Variants in DLGAP1 observed in about 807,000 individuals in gnomAD.
The protein encoded by DLGAP1 is DLG associated protein 1.
DLGAP1 carries 11 observed loss-of-function variants against 90.8 expected under a neutral mutation model. The ratio of observed to expected loss-of-function variants is 0.12; its 90% CI spans 0.08 to 0.20. DLGAP1 has a LOEUF of 0.20. Among genes scored for constraint, DLGAP1 ranks in the 10% least tolerant of loss-of-function variants. The pLI, the probability that DLGAP1 is intolerant of heterozygous loss-of-function variation, is 1.00. For missense variants in DLGAP1, 1,050 were observed against 1,333.8 expected (o/e 0.79, Z 3.31); for synonymous variants, 558 against 540.7 (o/e 1.03, Z -0.44).
At chr18:4,343,728 C>G (rs1294407306) in intron 1 of DLGAP1, among the ~76,000 whole-genome samples, 1 of 152,006 alleles carries the variant, frequency 6.6e-6, no homozygotes, top group Non-Finnish European at 1.5e-5. Context: ...CAGCAAACCA[C>G]CATGGCACAT....
chr18:3,534,323 C>T lies in DLGAP1; in HGVS notation c.2350G>A (p.Val784Met), dbSNP rs755760186. Residue 784 changes from valine to methionine, a missense_variant, in exon 10 of 13, where the codon GTG becomes ATG. By Grantham distance (21) the Val-to-Met change is conservative. Around this residue, in one of 2 missense-constraint regions of DLGAP1, gnomAD observed 565 missense variants for 879.7 expected, o/e 0.64. Coordinates refer to ENST00000315677, the MANE Select transcript of DLGAP1 (RefSeq NM_004746.4). ...DSITEDPLEA[V>M]QRSVCHRDGH... ...TCCCGGTGGCACACTGACCTTTGCA[C>T]GGCCTCCAGAGGGTCTTCAGTGATA... 22 of 1,614,050 alleles carry T rather than the reference C, an allele frequency of 1.4e-5. No individual in the cohort carries two copies. The highest frequency in any genetic ancestry group is 4.4e-5 in the South Asian group (4 of 91,084).
At position 3,534,485 on chromosome 18, in the gene DLGAP1, A is replaced by T; in HGVS notation, c.2188T>A (p.Phe730Ile). 6.2e-7 allele frequency: 1 copy of T among 1,614,150 alleles called. No homozygotes were observed. The highest frequency in any genetic ancestry group is 1.1e-5 in the South Asian group (1 of 91,082). Reference sequence around the variant, plus strand: ...GTGGAGGTGCTGGCATCGCGGGAGAACTGTCTGGCCATGGGGCCAGGACAC... The same window carrying T: ...GTGGAGGTGCTGGCATCGCGGGAGATCTGTCTGGCCATGGGGCCAGGACAC... Reference protein sequence around the residue: ...NSCPGPMARQFSRDASTSTVS... With the variant: ...NSCPGPMARQISRDASTSTVS... The change falls in exon 10 of 13, where the codon TTC (phenylalanine) becomes ATC (isoleucine). Residue 730 changes from phenylalanine to isoleucine, a missense_variant. Transcript: ENST00000315677.
chr18:3,701,748 T>C (rs541404205), intron 7 of DLGAP1, among the ~76,000 whole-genome samples: 3 of 152,308 alleles, frequency 2.0e-5, no homozygotes, highest in African/African-American at 2.4e-5. Flanking sequence ...TGGGTTGGTA[T>C]ATTTTGGGTT....
At chr18:3,938,022 T>C (rs2072681021) in intron 3 of DLGAP1, among the ~76,000 whole-genome samples, 2 of 152,354 alleles carry the variant, frequency 1.3e-5, no homozygotes, top group Non-Finnish European at 2.9e-5. Flanking sequence ...AATGTGGTTA[T>C]CTAGCATCTA....
chr18:4,083,741 A>G (rs2075644457), intron 2 of DLGAP1, among the ~76,000 whole-genome samples: 1 of 151,892 alleles, frequency 6.6e-6, no homozygotes, highest in Non-Finnish European at 1.5e-5. Flanking sequence ...TCCTAGGGGG[A>G]GCATGCAGAT....
intron 4 of DLGAP1, among the ~76,000 whole-genome samples, chr18:3,843,901 C>T (rs1350344615): frequency 3.9e-5 from 6 of 152,028 alleles, no homozygotes; most frequent in African/African-American, 1.2e-4. Context: ...GAACCATCGA[C>T]GATATTTTGG....
chr18:3,904,404 C>T (rs1217319355), intron 3 of DLGAP1, among the ~76,000 whole-genome samples: 1 of 152,196 alleles, frequency 6.6e-6, no homozygotes, highest in Non-Finnish European at 1.5e-5. Flanking sequence ...TGACATAACC[C>T]TTTAGGGAAA....
intron 1 of DLGAP1, among the ~76,000 whole-genome samples, chr18:4,223,924 T>C (rs2078131950): frequency 6.6e-6 from 1 of 152,236 alleles, no homozygotes; most frequent in Admixed American, 6.5e-5. Context: ...TGTAACCTCA[T>C]GACATTTTTA....
intron 7 of DLGAP1, among the ~76,000 whole-genome samples, chr18:3,707,334 A>G (rs1225282872): frequency 6.6e-6 from 1 of 152,224 alleles, no homozygotes; most frequent in East Asian, 1.9e-4. Flanking sequence ...GCAGTGGCTC[A>G]TGCCTGTAAT....
intron 4 of DLGAP1, among the ~76,000 whole-genome samples, chr18:3,847,803 AC>A (rs2069100501): frequency 6.6e-6 from 1 of 152,156 alleles, no homozygotes; most frequent in Non-Finnish European, 1.5e-5. Flanking sequence ...AAGTGCCTAC[AC>A]AAAGTGCCCC....
At chr18:3,972,378 T>C (rs545851540) in intron 3 of DLGAP1, among the ~76,000 whole-genome samples, 1 of 152,198 alleles carries the variant, frequency 6.6e-6, no homozygotes, top group South Asian at 2.1e-4. Context: ...ATTATATCTA[T>C]CTATATCAGT....
chr18:4,031,077 ATGGCGCCATTCCTAT>A (rs547035604), intron 2 of DLGAP1, among the ~76,000 whole-genome samples: 35 of 152,282 alleles, frequency 2.3e-4, no homozygotes, highest in African/African-American at 8.2e-4. Flanking sequence ...CCTCTCAAAC[ATGGCGCCATTCCTAT>A]TGAAGTCAGC....
intron 1 of DLGAP1, among the ~76,000 whole-genome samples, chr18:4,365,639 C>T (rs148041441): frequency 7.6e-4 from 115 of 151,904 alleles, no homozygotes; most frequent in African/African-American, 2.5e-3. Context: ...TGTGTATGTA[C>T]CACAAATTAA....
chr18:3,928,886 C>T (rs2072452954), intron 3 of DLGAP1, among the ~76,000 whole-genome samples: 1 of 152,132 alleles, frequency 6.6e-6, no homozygotes, highest in Non-Finnish European at 1.5e-5. Flanking sequence ...AGAGGTAGGA[C>T]CTGGTGGGAG....
chr18:4,406,339 T>C (rs927920673), intron 1 of DLGAP1, among the ~76,000 whole-genome samples: 14 of 152,006 alleles, frequency 9.2e-5, no homozygotes, highest in Non-Finnish European at 1.5e-4. Context: ...AAACTTGGGG[T>C]TTTCCTTCTG....
chr18:3,661,019 G>A (rs944520769), intron 7 of DLGAP1, among the ~76,000 whole-genome samples: 4 of 152,166 alleles, frequency 2.6e-5, no homozygotes, highest in African/African-American at 9.7e-5. Context: ...TGCTGCAGGT[G>A]GAGAGACTTT....
chr18:4,004,363 T>C (rs1000470924), intron 3 of DLGAP1, among the ~76,000 whole-genome samples: 3 of 152,044 alleles, frequency 2.0e-5, no homozygotes, highest in Non-Finnish European at 2.9e-5. Context: ...GGGGAACAGC[T>C]ACCCCCGAGG....
rs374282446 is a variant in DLGAP1 at position 3,986,957 on chromosome 18, C to T, written c.-73+18159G>A. Among the ~76,000 whole-genome samples the T allele has an allele frequency of 8.5e-5, 13 of 152,222 alleles. 1 individual carries two copies. The highest frequency in any genetic ancestry group is 8.3e-4 in the South Asian group (4 of 4,812). On this transcript the variant is annotated intron_variant, in intron 3 of 12. Transcript: ENST00000315677. Reference sequence around the variant, plus strand: ...ATTTAGCAACTGAAAAGTTAATGCTCGACACAGGACGAGGCTCTGACTACG... The same window carrying T: ...ATTTAGCAACTGAAAAGTTAATGCTTGACACAGGACGAGGCTCTGACTACG...
chr18:3,576,589 A>G (rs1475008653), intron 8 of DLGAP1, among the ~76,000 whole-genome samples: 15 of 104,036 alleles, frequency 1.4e-4, no homozygotes, highest in East Asian at 2.8e-4. Context: ...TTTGAGATGG[A>G]GCTTCGCTCT....
Sources: gnomAD v4.1 joint callset for allele counts (sites outside exome capture counted in the v4.1 genomes callset) on GRCh38, gnomAD v4.1.1 for gene constraint, gnomAD v4.1.1 regional missense constraint, MANE v1.5 for transcripts, NCBI Gene and HGNC (gene_info 2026-07-23, HGNC 2026-07-21) for gene names.